The following SIM1 variants were observed in gnomAD, a reference collection of about 807,000 sequenced individuals.
SIM1 encodes the protein SIM bHLH transcription factor 1.
In SIM1, 18 loss-of-function variants were observed where a neutral mutation model predicts 78.2. The ratio of observed to expected loss-of-function variants is 0.23; its 90% CI spans 0.16 to 0.34. The LOEUF is 0.34. Among genes scored for constraint, SIM1 ranks in the 10% least tolerant of loss-of-function variants. The pLI, the probability that SIM1 is intolerant of heterozygous loss-of-function variation, is 1.00. For missense variants in SIM1, 939 were observed against 975.1 expected (o/e 0.96, Z 0.49); for synonymous variants, 417 against 385.2 (o/e 1.08, Z -0.97).
intron 9 of SIM1, among the ~76,000 whole-genome samples, chr6:100,422,032 A>G (rs772161319): frequency 6.6e-6 from 1 of 152,144 alleles, no homozygotes; most frequent in Non-Finnish European, 1.5e-5. Flanking sequence ...CTGATTTATA[A>G]TCACTTCTAG....
At chr6:100,456,379 A>G (rs1360740803) in intron 2 of SIM1, among the ~76,000 whole-genome samples, 1 of 152,208 alleles carries the variant, frequency 6.6e-6, no homozygotes, top group Non-Finnish European at 1.5e-5. Context: ...CCTACCGCAG[A>G]AAATTCGCAA....
chr6:100,463,503 G>A lies in SIM1; in HGVS notation c.-35C>T. 1 of 1,569,400 alleles carries A rather than the reference G, an allele frequency of 6.4e-7. No individual in the cohort carries two copies. The highest frequency in any genetic ancestry group is 8.7e-7 in the Non-Finnish European group (1 of 1,148,432). On this transcript the variant is annotated 5_prime_UTR_variant, in exon 2 of 12. Coordinates refer to ENST00000369208, the MANE Select transcript of SIM1 (RefSeq NM_005068.3). ...TTCCCCCTTTCTTCTCACAACTTAA[G>A]CTCCGCAGATTCATCCAAAACCAAA...
At chr6:100,429,314 A>G (rs1264389527) in intron 9 of SIM1, among the ~76,000 whole-genome samples, 1 of 151,618 alleles carries the variant, frequency 6.6e-6, no homozygotes, top group East Asian at 1.9e-4. Flanking sequence ...GATTGCAGTG[A>G]GCCAACATTG....
At position 100,385,138 on chromosome 6, in the gene SIM1, C is replaced by T. The variant is rs1413607536; in HGVS notation, c.*5223G>A. 2.0e-5 allele frequency: 3 copies of T among 152,098 alleles called. No individual in the cohort carries two copies. The highest frequency in any genetic ancestry group is 2.0e-4 in the Admixed American group (3 of 15,250). The allele number at this position is 152,098 out of a possible 1,614,324, so 9.4% of individuals were successfully genotyped here. ...ATATAAATAATTATAAATGGGAACA[C>T]TTTGCAAGATATCATTGACATAGCT... On this transcript the variant is annotated 3_prime_UTR_variant, in exon 12 of 12. Transcript: ENST00000369208.
At chr6:100,459,509 C>G (rs1772779796) in intron 2 of SIM1, among the ~76,000 whole-genome samples, 1 of 152,200 alleles carries the variant, frequency 6.6e-6, no homozygotes, top group African/African-American at 2.4e-5. Flanking sequence ...GAAAAACAGC[C>G]TTAAATCACC....
chr6:100,393,322 T>C (rs549645050), intron 11 of SIM1, among the ~76,000 whole-genome samples, 165 bp downstream of exon 11: 6 of 152,302 alleles, frequency 3.9e-5, no homozygotes, highest in Non-Finnish European at 8.8e-5. Context: ...ATTTAGCAAA[T>C]ACAAGCAAAA....
At chr6:100,442,996 G>A (rs1396672233) in intron 9 of SIM1, among the ~76,000 whole-genome samples, 1 of 151,792 alleles carries the variant, frequency 6.6e-6, no homozygotes, top group African/African-American at 2.4e-5. Flanking sequence ...AAGTTGTTGT[G>A]GTTAACATAC....
chr6:100,452,930 C>T (rs2114546864), intron 3 of SIM1, among the ~76,000 whole-genome samples: 1 of 152,228 alleles, frequency 6.6e-6, no homozygotes, highest in East Asian at 1.9e-4. Flanking sequence ...CATGCCAGCC[C>T]ACAGGGAGAA....
intron 9 of SIM1, among the ~76,000 whole-genome samples, chr6:100,436,678 G>A (rs991509182): frequency 2.0e-5 from 3 of 151,760 alleles, no homozygotes; most frequent in African/African-American, 4.8e-5. Context: ...ATTATTACCC[G>A]CATCTTACAG....
intron 9 of SIM1, among the ~76,000 whole-genome samples, chr6:100,445,826 C>T (rs1410615115): frequency 6.6e-6 from 1 of 152,052 alleles, no homozygotes; most frequent in Non-Finnish European, 1.5e-5. Context: ...AATTTTTCAC[C>T]CTTTAATACT....
At chr6:100,411,829 G>A (rs777710210) in intron 10 of SIM1, among the ~76,000 whole-genome samples, 10 of 152,098 alleles carry the variant, frequency 6.6e-5, no homozygotes, top group African/African-American at 9.7e-5. Context: ...GAAAGAGGTG[G>A]CACTCAATCT....
At position 100,389,367 on chromosome 6, in the gene SIM1, CT is replaced by C. The variant is rs1207455892; in HGVS notation, c.*993del. 2.7e-6 allele frequency: 1 copy of C among 369,694 alleles called. No homozygotes were observed. Among genetic ancestry groups the C allele is most frequent in the Non-Finnish European group, 4.8e-6 (1 of 208,122 alleles). The allele number at this position is 369,694 out of a possible 1,614,324, so 22.9% of individuals were successfully genotyped here. On this transcript the variant is annotated 3_prime_UTR_variant, in exon 12 of 12. Transcript: ENST00000369208. ...ATGTGCTTTGAAACGTTTTCAAACACTTAACACTGCTGTCATGTGGCACTTC... is the reference window on the plus strand; with the variant it reads ...ATGTGCTTTGAAACGTTTTCAAACACTAACACTGCTGTCATGTGGCACTTC...
intron 2 of SIM1, among the ~76,000 whole-genome samples, chr6:100,456,791 G>A (rs1772675877): frequency 6.6e-6 from 1 of 152,182 alleles, no homozygotes; most frequent in Non-Finnish European, 1.5e-5. Context: ...ACTCAGGCAA[G>A]TTTCACTGTG....
In SIM1 at chr6:100,393,754, C is replaced by G; in HGVS notation, c.1303G>C (p.Ala435Pro). 6.2e-7 allele frequency: 1 copy of G among 1,614,208 alleles called. No homozygotes were observed. Among genetic ancestry groups the G allele is most frequent in the Non-Finnish European group, 8.5e-7 (1 of 1,180,026 alleles). ...RPGSQHDASC[A>P]YRQFSDRSSL... ...CTGCGGTCCGAAAACTGTCTGTAGGCGCACGATGCGTCGTGCTGGGAGCCA... is the reference window on the plus strand; with the variant it reads ...CTGCGGTCCGAAAACTGTCTGTAGGGGCACGATGCGTCGTGCTGGGAGCCA... Residue 435 changes from alanine (A) to proline (P), a missense_variant, in exon 11 of 12, where the codon GCC becomes CCC. Ala to Pro is a conservative substitution (Grantham distance 27). This residue lies in a region of SIM1 where 556 missense variants were observed against 521.9 expected (regional missense o/e 1.07). Coordinates refer to ENST00000369208, the MANE Select transcript of SIM1 (RefSeq NM_005068.3).
chr6:100,455,680 A>G (rs1457310220), intron 2 of SIM1, among the ~76,000 whole-genome samples: 1 of 152,158 alleles, frequency 6.6e-6, no homozygotes, highest in Non-Finnish European at 1.5e-5. Flanking sequence ...AACCCCAAAG[A>G]TTGGCGGGGA....
chr6:100,448,774 C>G, intron 6 of SIM1, 96 bp from the exon 7 acceptor site: 5 of 1,160,430 alleles, frequency 4.3e-6, no homozygotes, highest in African/African-American at 1.5e-5. Flanking sequence ...CTCTGCTTAG[C>G]CCCAAAGCAG....
At chr6:100,408,053 T>A (rs1771094366) in intron 10 of SIM1, among the ~76,000 whole-genome samples, 1 of 152,092 alleles carries the variant, frequency 6.6e-6, no homozygotes, top group Non-Finnish European at 1.5e-5. Context: ...AACATCATTA[T>A]CAAGACCTAT....
rs1162511201 is a variant in SIM1, at chr6:100,453,823, T to C, written c.197A>G (p.His66Arg). 5 of 1,612,056 alleles carry C rather than the reference T, an allele frequency of 3.1e-6. No individual in the cohort carries two copies. The highest frequency in any genetic ancestry group is 4.2e-6 in the Non-Finnish European group (5 of 1,179,138). The change falls in exon 3 of 12, where the codon CAC (histidine) becomes CGC (arginine). Residue 66 changes from histidine (H) to arginine (R), a missense_variant. This residue lies in a region of SIM1 where 121 missense variants were observed against 124.6 expected (regional missense o/e 0.97). Transcript: ENST00000369208. ...FPEGLGEAWG[H>R]SSRTSPLDNV... ...GTCCAGGGGGCTGGTCCGACTTGAG[T>C]GGCCCCACGCCTCGCCGAGCCCTGT...
chr6:100,409,858 G>C (rs1771149082), intron 10 of SIM1, among the ~76,000 whole-genome samples: 1 of 151,972 alleles, frequency 6.6e-6, no homozygotes, highest in Admixed American at 6.6e-5. Flanking sequence ...GTTACTTACT[G>C]TTAGTTTCAT....
Sources: allele counts gnomAD v4.1 joint callset (sites outside exome capture counted in the v4.1 genomes callset), GRCh38; gene constraint gnomAD v4.1.1; regional missense constraint gnomAD v4.1.1; transcripts MANE v1.5; gene names NCBI Gene and HGNC (gene_info 2026-07-23, HGNC 2026-07-21).